TUBGCP2: variants seen among roughly 807,000 people sequenced by gnomAD.
TUBGCP2 encodes gamma-tubulin complex component 2.
A neutral mutation model predicts 92.2 loss-of-function variants in TUBGCP2; 55 were observed. The ratio of observed to expected loss-of-function variants is 0.60; its 90% CI spans 0.48 to 0.75. The LOEUF is 0.75. Ranked by LOEUF, TUBGCP2 falls within the 30% of genes least tolerant of loss-of-function variation. The pLI is 0.00. For missense variants in TUBGCP2, 1,093 were observed against 1,188.9 expected, an observed-to-expected ratio of 0.92 and a Z score of 1.19; for synonymous variants, 533 against 505.2, an observed-to-expected ratio of 1.06 and a Z score of -0.74.
upstream of TUBGCP2, chr10:133,308,875 G>A (rs570792225): frequency 2.4e-5 from 28 of 1,188,050 alleles, no homozygotes; most frequent in African/African-American, 3.3e-4. Flanking sequence ...GCGGAAGTGA[G>A]CGTGACGTCA....
At chr10:133,284,283 C>A (rs1239913053) in intron 13 of TUBGCP2, among the ~76,000 whole-genome samples, 1 of 152,222 alleles carries the variant, frequency 6.6e-6, no homozygotes. Flanking sequence ...GTGGACGGAC[C>A]CCTCGGAGCC....
At chr10:133,308,775 C>G (rs1847893424) in intron 1 of TUBGCP2, 48 bp downstream of exon 1, 2 of 399,406 alleles carry the variant, frequency 5.0e-6, no homozygotes, top group African/African-American at 4.2e-5. Context: ...GCCTGGCAGT[C>G]CCCCAACCCC....
chr10:133,285,588 CG>C lies in TUBGCP2; in HGVS notation c.1762del (p.Arg588AlafsTer23). 1 of 1,544,716 alleles carries C rather than the reference CG, an allele frequency of 6.5e-7. No individual in the cohort carries two copies. The highest frequency in any genetic ancestry group is 8.7e-7 in the Non-Finnish European group (1 of 1,143,736). On this transcript the variant is annotated frameshift_variant, in exon 12 of 18. Coordinates refer to ENST00000252936, the MANE Select transcript of TUBGCP2 (RefSeq NM_006659.4). LOFTEE classifies it high-confidence loss of function. The surrounding 1 kb of genome is among the most constrained non-coding windows in gnomAD (Gnocchi z 6.8). ...CTGCTTGGTCTCGATGGCCAGGACG[CG>C]CAAGAGCTGAGTGATGAGGTCATGG... ...MPHDLITQLL[R>X]VLAIETKQEK...
At chr10:133,283,340 T>A in intron 14 of TUBGCP2, 119 bp from the exon 15 acceptor site, 1 of 1,397,050 alleles carries the variant, frequency 7.2e-7, no homozygotes, top group Non-Finnish European at 9.7e-7. Context: ...ACCTCTTAAA[T>A]GGGCCTTGGG....
In TUBGCP2 at chr10:133,281,440, G is replaced by C. The variant is rs768365486; in HGVS notation, c.2410-4C>G. ...TGTCTGCGTGCTCAGCCAGGTGCTG[G>C]AAAGAAAGCCGGGGTGCGTGAGCCA... On this transcript the variant is annotated splice_region_variant and splice_polypyrimidine_tract_variant and intron_variant, in intron 16 of 17. Transcript: ENST00000252936. 5 of 1,611,554 alleles carry C rather than the reference G, an allele frequency of 3.1e-6. No individual in the cohort carries two copies. The East Asian group carries it at 1.1e-4, about 36-fold the overall frequency.
At chr10:133,291,343 C>T (rs567219041) in intron 8 of TUBGCP2, among the ~76,000 whole-genome samples, 48 of 8,958 alleles carry the variant, frequency 5.4e-3, no homozygotes, top group Middle Eastern at 0.083. Context: ...CGTCCGTGTC[C>T]CCCATGTCCC....
At chr10:133,291,194 A>G (rs1405972370) in intron 8 of TUBGCP2, among the ~76,000 whole-genome samples, 1 of 151,564 alleles carries the variant, frequency 6.6e-6, no homozygotes, top group Non-Finnish European at 1.5e-5. Flanking sequence ...TCCTGAGACC[A>G]CAAGCAAAGG....
chr10:133,305,523 C>A (rs903572340), intron 1 of TUBGCP2, among the ~76,000 whole-genome samples: 1 of 151,098 alleles, frequency 6.6e-6, no homozygotes, highest in Non-Finnish European at 1.5e-5. Flanking sequence ...CTTTGTCTTG[C>A]GTCTTTATTT....
chr10:133,301,045 T>C (rs1847639317), intron 2 of TUBGCP2, among the ~76,000 whole-genome samples: 1 of 152,240 alleles, frequency 6.6e-6, no homozygotes, highest in Admixed American at 6.5e-5. Context: ...TGCATCTCAC[T>C]GTATTCCCCG....
At chr10:133,293,364 A>G (rs1033300281) in intron 6 of TUBGCP2, 126 bp from the exon 7 acceptor site, 22 of 1,268,312 alleles carry the variant, frequency 1.7e-5, no homozygotes, top group Non-Finnish European at 2.0e-5. Flanking sequence ...CCAGAGGGGA[A>G]CTTTTGCCCC....
At chr10:133,292,772 T>G in intron 7 of TUBGCP2, 84 bp from the exon 8 acceptor site, 1 of 1,450,290 alleles carries the variant, frequency 6.9e-7, no homozygotes, top group Non-Finnish European at 9.3e-7. Context: ...CCCCTCATGC[T>G]TCTCCAACCT....
chr10:133,281,472 C>G, intron 16 of TUBGCP2, 36 bp from the exon 17 acceptor site: 3 of 1,601,410 alleles, frequency 1.9e-6, no homozygotes, highest in South Asian at 2.2e-5. Flanking sequence ...GCCATGCCCA[C>G]CCCCACCGTG....
intron 1 of TUBGCP2, among the ~76,000 whole-genome samples, chr10:133,306,556 G>C (rs1367601926): frequency 2.0e-5 from 3 of 152,176 alleles, no homozygotes; most frequent in Non-Finnish European, 4.4e-5. Flanking sequence ...GGGAAGCCAA[G>C]GTGGGCGGAT....
In TUBGCP2 at chr10:133,285,216, G is replaced by A. The variant is rs1439912027; in HGVS notation, c.1896-3C>T. On this transcript the variant is annotated splice_region_variant and splice_polypyrimidine_tract_variant and intron_variant, in intron 12 of 17. Transcript: ENST00000252936. This position sits in a 1 kb window ranked among gnomAD's most constrained non-coding sequence, Gnocchi z 6.8. ...TCTGGTAGCGAGTGAGGGCTTTCCT[G>A]CAAGAGACGTGGCGGCACCTCAGGT... The A allele has an allele frequency of 8.7e-6, 14 of 1,611,792 alleles. No homozygotes were observed. Among genetic ancestry groups the A allele is most frequent in the Non-Finnish European group, 1.2e-5 (14 of 1,179,970 alleles).
At chr10:133,292,719 G>A (rs1335050948) in intron 7 of TUBGCP2, 31 bp from the exon 8 acceptor site, 3 of 1,596,436 alleles carry the variant, frequency 1.9e-6, no homozygotes, top group Admixed American at 1.7e-5. Flanking sequence ...TCACTGCTGA[G>A]AAGGAAGCGC....
At chr10:133,309,096 G>T, upstream of TUBGCP2, 1 of 1,317,300 alleles carries the variant, frequency 7.6e-7, no homozygotes. Flanking sequence ...AGTTCTTCGA[G>T]GTGCGTGAGC....
chr10:133,281,399 GACACCAGCTGC>G lies in TUBGCP2; in HGVS notation c.2436_2446del (p.Gln813ArgfsTer10). 1 of 1,613,604 alleles carries G rather than the reference GACACCAGCTGC, an allele frequency of 6.2e-7. No individual in the cohort carries two copies. Among genetic ancestry groups the G allele is most frequent in the East Asian group, 2.2e-5 (1 of 44,870 alleles). On this transcript the variant is annotated frameshift_variant, in exon 17 of 18. Transcript: ENST00000252936. LOFTEE classifies it high-confidence loss of function. ...CTTGTTGATGGTGGCCTCGAAGCCGGACACCAGCTGCACAGTGTCTGCGTGCTCAGCCAGGT... is the reference window on the plus strand; with the variant it reads ...CTTGTTGATGGTGGCCTCGAAGCCGGACAGTGTCTGCGTGCTCAGCCAGGT...
rs201310809 is a variant in TUBGCP2, at chr10:133,292,492, G to A, written c.1214+7C>T. On this transcript the variant is annotated splice_region_variant and intron_variant, in intron 8 of 17. Transcript: ENST00000252936. ...CCTCCGTGTCCCCGTGTCCCGGGGA[G>A]CCCTACCTGTATGGGTCGTGGATGA... 5.2e-5 allele frequency: 84 copies of A among 1,608,266 alleles called. 1 individual carries two copies. Among genetic ancestry groups the A allele is most frequent in the Non-Finnish European group, 1.2e-5 (14 of 1,177,752 alleles).
rs1337997384 is a variant in TUBGCP2 at position 133,283,178 on chromosome 10, AG to A, written c.2188del (p.Leu730TrpfsTer5). The A allele has an allele frequency of 6.2e-7, 1 of 1,614,086 alleles. No homozygotes were observed. The highest frequency in any genetic ancestry group is 2.2e-5 in the East Asian group (1 of 44,894). On this transcript the variant is annotated frameshift_variant, in exon 15 of 18. Coordinates refer to ENST00000252936, the MANE Select transcript of TUBGCP2 (RefSeq NM_006659.4). LOFTEE classifies it high-confidence loss of function. ...DDVLGHHTGF[L>X]DTCLKDCMLT... ...CATGCAGTCCTTCAGGCAGGTGTCC[AG>A]GAAGCCTGTGTGGTGGCCAAGGACG...
Sources: gnomAD v4.1 joint callset for allele counts (sites outside exome capture counted in the v4.1 genomes callset) on GRCh38, gnomAD v4.1.1 for gene constraint, Gnocchi (gnomAD v3.1) non-coding constraint, MANE v1.5 for transcripts, NCBI Gene and HGNC (gene_info 2026-07-23, HGNC 2026-07-21) for gene names.